GRIN2B: variants seen among roughly 807,000 people sequenced by gnomAD.
GRIN2B encodes glutamate ionotropic receptor NMDA type subunit 2B.
In GRIN2B, 5 loss-of-function variants were observed where a neutral mutation model predicts 114.5. The ratio of observed to expected loss-of-function variants is 0.04; its 90% CI spans 0.02 to 0.09. GRIN2B has a LOEUF of 0.09. GRIN2B is among the 10% of genes least tolerant of loss of function. The probability of loss-of-function intolerance (pLI) is 1.00; values close to 1 mark genes in which losing one functional copy is unlikely to be tolerated. For synonymous variants in GRIN2B, 787 were observed against 745.1 expected (o/e 1.06, Z -0.92); for missense variants, 1,108 against 1,943.5 (o/e 0.57, Z 8.08).
intron 2 of GRIN2B, among the ~76,000 whole-genome samples, chr12:13,874,345 G>T (rs1389393542): frequency 6.6e-6 from 1 of 152,076 alleles, no homozygotes; most frequent in African/African-American, 2.4e-5. Context: ...CCATATTCTT[G>T]ATACAAGGTT....
chr12:13,790,594 T>C (rs1864304150), intron 3 of GRIN2B, among the ~76,000 whole-genome samples: 1 of 152,190 alleles, frequency 6.6e-6, no homozygotes, highest in Admixed American at 6.5e-5. Context: ...TCCATAACTT[T>C]TGGGGTAATT....
At chr12:13,886,745 C>CGGGGTA (rs1476949767) in intron 2 of GRIN2B, among the ~76,000 whole-genome samples, 1 of 152,166 alleles carries the variant, frequency 6.6e-6, no homozygotes, top group Non-Finnish European at 1.5e-5. Context: ...AATAAACCTC[C>CGGGGTA]TAATGCAAGC....
intron 2 of GRIN2B, among the ~76,000 whole-genome samples, chr12:13,886,027 G>C (rs542391121): frequency 2.7e-4 from 41 of 152,210 alleles, no homozygotes; most frequent in Non-Finnish European, 4.4e-4. Flanking sequence ...GCACTAAAGA[G>C]AAGCCCTGAT....
chr12:13,943,859 G>A (rs142412303), intron 2 of GRIN2B, among the ~76,000 whole-genome samples: 11 of 152,116 alleles, frequency 7.2e-5, no homozygotes, highest in African/African-American at 2.6e-4. Context: ...GCATCTCTTC[G>A]TTTATTGTCT....
chr12:13,567,708 A>G (rs1285785560), intron 12 of GRIN2B, among the ~76,000 whole-genome samples: 2 of 152,082 alleles, frequency 1.3e-5, no homozygotes, highest in East Asian at 1.9e-4. Flanking sequence ...TTTAATTTAC[A>G]TTGTACAAAA....
intron 2 of GRIN2B, among the ~76,000 whole-genome samples, chr12:13,970,686 AACACACACAC>A (rs5796570): frequency 7.2e-4 from 105 of 145,128 alleles, no homozygotes; most frequent in African/African-American, 2.4e-3. Context: ...GCAGGCTCTA[AACACACACAC>A]ACACACACAC....
At chr12:13,613,990 T>C (rs1949399513) in intron 8 of GRIN2B, among the ~76,000 whole-genome samples, 1 of 141,928 alleles carries the variant, frequency 7.0e-6, no homozygotes, top group Non-Finnish European at 1.5e-5. Flanking sequence ...TTTATATCTC[T>C]TAATGTTCCA....
chr12:13,647,770 A>T (rs997393846), intron 5 of GRIN2B, among the ~76,000 whole-genome samples: 4 of 152,180 alleles, frequency 2.6e-5, no homozygotes, highest in African/African-American at 9.6e-5. Context: ...TCCACCTAGG[A>T]AAAAGCTCTG....
intron 2 of GRIN2B, among the ~76,000 whole-genome samples, chr12:13,947,101 T>G (rs1867375079): frequency 6.6e-6 from 1 of 152,164 alleles, no homozygotes; most frequent in South Asian, 2.1e-4. Context: ...ATTAAGTCCT[T>G]TAAAATGATC....
intron 3 of GRIN2B, among the ~76,000 whole-genome samples, chr12:13,786,376 G>T (rs1341668681): frequency 2.6e-5 from 4 of 152,048 alleles, no homozygotes; most frequent in Admixed American, 1.3e-4. Flanking sequence ...ATTCAATTTT[G>T]CTGGGACCAC....
At chr12:13,723,631 G>A (rs536328573) in intron 4 of GRIN2B, among the ~76,000 whole-genome samples, 4 of 152,236 alleles carry the variant, frequency 2.6e-5, no homozygotes, top group African/African-American at 7.2e-5. Flanking sequence ...TGCTACAGGT[G>A]AGTGAAGTAG....
intron 2 of GRIN2B, among the ~76,000 whole-genome samples, chr12:13,911,604 G>T (rs1215161712): frequency 6.6e-6 from 1 of 152,018 alleles, no homozygotes; most frequent in African/African-American, 2.4e-5. Context: ...TGGCTTTGAA[G>T]GAAAAAGATT....
chr12:13,574,860 C>A (rs74065136), intron 10 of GRIN2B, among the ~76,000 whole-genome samples: 3,825 of 152,268 alleles, frequency 0.025, 161 homozygotes, highest in African/African-American at 0.087. Flanking sequence ...ACAGTAATCA[C>A]GAGAGTGTGG....
intron 3 of GRIN2B, among the ~76,000 whole-genome samples, chr12:13,831,650 T>A (rs1485750614): frequency 6.6e-6 from 1 of 152,206 alleles, no homozygotes; most frequent in Non-Finnish European, 1.5e-5. Context: ...GAGGCTCATG[T>A]GGGGGAGCCC....
At chr12:13,958,714 C>G (rs1867637872) in intron 2 of GRIN2B, among the ~76,000 whole-genome samples, 1 of 152,140 alleles carries the variant, frequency 6.6e-6, no homozygotes, top group South Asian at 2.1e-4. Flanking sequence ...TCCACTCTTC[C>G]TCCTCCATGT....
chr12:13,866,319 C>T, intron 2 of GRIN2B, 93 bp from the exon 3 acceptor site: 1 of 1,097,504 alleles, frequency 9.1e-7, no homozygotes, highest in East Asian at 2.5e-5. Flanking sequence ...AGGACCTTAT[C>T]TCCTTTCATT....
intron 3 of GRIN2B, among the ~76,000 whole-genome samples, chr12:13,854,824 C>G (rs894386645): frequency 2.6e-5 from 4 of 152,062 alleles, no homozygotes; most frequent in Non-Finnish European, 4.4e-5. Flanking sequence ...TGGAGACTTA[C>G]CAAATAACTC....
At chr12:13,838,240 C>T (rs573878562) in intron 3 of GRIN2B, among the ~76,000 whole-genome samples, 1 of 152,232 alleles carries the variant, frequency 6.6e-6, no homozygotes, top group African/African-American at 2.4e-5. Context: ...CAAGACAAAG[C>T]CTGAAGCACA....
In GRIN2B at chr12:13,899,713, G is replaced by A. The variant is rs1423836815; in HGVS notation, c.-18-33487C>T. On this transcript the variant is annotated intron_variant, in intron 2 of 13. Coordinates refer to ENST00000609686, the MANE Select transcript of GRIN2B (RefSeq NM_000834.5). ...TGTTAGCTAGCATACACAAAGAAGA[G>A]CATGTTAAGATGTTGGAAACTTTTC... Among the ~76,000 whole-genome samples the A allele has an allele frequency of 1.4e-5, 2 of 144,312 alleles. 1 individual carries two copies. Among genetic ancestry groups the A allele is most frequent in the Non-Finnish European group, 3.2e-5 (2 of 62,766 alleles). 94.7% of individuals were successfully genotyped at this position (144,312 alleles called of 152,430 possible).
Sources: gnomAD v4.1 joint callset for allele counts (sites outside exome capture counted in the v4.1 genomes callset) on GRCh38, gnomAD v4.1.1 for gene constraint, MANE v1.5 for transcripts, NCBI Gene and HGNC (gene_info 2026-07-23, HGNC 2026-07-21) for gene names.